CHI3L1: variants seen among roughly 807,000 people sequenced by gnomAD.
The protein encoded by CHI3L1 is chitinase 3 like 1, also known as chitinase-3-like protein 1.
A neutral mutation model predicts 40.7 loss-of-function variants in CHI3L1; 30 were observed. The observed-to-expected ratio is 0.74, with a 90% CI of 0.55 to 1.00. CHI3L1 has a LOEUF of 1.00. CHI3L1 is among the 50% of genes least tolerant of loss of function. CHI3L1 has a pLI of 0.00. For missense variants in CHI3L1, 493 were observed against 492.2 expected, an observed-to-expected ratio of 1.00 and a Z score of -0.01; for synonymous variants, 210 against 192.1, an observed-to-expected ratio of 1.09 and a Z score of -0.77.
chr1:203,179,509 A>T lies in CHI3L1; in HGVS notation c.1088T>A (p.Phe363Tyr). Residue 363 changes from phenylalanine (F) to tyrosine (Y), a missense_variant, in exon 10 of 10, where the codon TTC becomes TAC. Coordinates refer to ENST00000255409, the MANE Select transcript of CHI3L1 (RefSeq NM_001276.4). The stretch of plus-strand genomic sequence containing the variant: ...AGGGAAGCGCAGATCCTGGCCACAG[A>T]AGGAGCCCTGGAAGTCATCCAGGTC... ...ALDLDDFQGS[F>Y]CGQDLRFPLT... 6.3e-7 allele frequency: 1 copy of T among 1,581,944 alleles called. No individual in the cohort carries two copies.
chr1:203,179,314 C>T lies in CHI3L1; in HGVS notation c.*131G>A. 1.2e-6 allele frequency: 1 copy of T among 807,536 alleles called. No individual in the cohort carries two copies. Among genetic ancestry groups the T allele is most frequent in the Non-Finnish European group, 2.0e-6 (1 of 503,912 alleles). 50.0% of individuals were successfully genotyped at this position (807,536 alleles called of 1,614,324 possible). On this transcript the variant is annotated 3_prime_UTR_variant, in exon 10 of 10. Transcript: ENST00000255409. ...CAAATCTGTGTGTTGTGGACCTCTGCATAGGCCCCAAGGGAGGGAGACTGA... is the reference window on the plus strand; with the variant it reads ...CAAATCTGTGTGTTGTGGACCTCTGTATAGGCCCCAAGGGAGGGAGACTGA...
chr1:203,186,484 T>G, intron 1 of CHI3L1, 115 bp downstream of exon 1: 2 of 1,391,416 alleles, frequency 1.4e-6, no homozygotes, highest in Admixed American at 1.8e-5. Context: ...GCTCTGCTTC[T>G]CCTCCCCCTC....
At chr1:203,180,981 A>G (rs1446798193) in intron 7 of CHI3L1, among the ~76,000 whole-genome samples, 181 bp downstream of exon 7, 1 of 152,048 alleles carries the variant, frequency 6.6e-6, no homozygotes. Context: ...CCTGCAGATC[A>G]CCTTCCCAGA....
rs1177953959 is a variant in CHI3L1 at position 203,186,056 on chromosome 1, G to A, written c.55+260C>T. Among the ~76,000 whole-genome samples, 4 of 152,094 alleles carry A rather than the reference G, an allele frequency of 2.6e-5. No homozygotes were observed. The East Asian group carries it at 5.8e-4, about 22-fold the overall frequency. ...GGCAACTGTACTAGCGGCTCCCAGG[G>A]GCTGTTAGTCAAAGCCTTCACTGAA... On this transcript the variant is annotated intron_variant, in intron 2 of 9. Coordinates refer to ENST00000255409, the MANE Select transcript of CHI3L1 (RefSeq NM_001276.4).
In CHI3L1 at chr1:203,179,138, G is replaced by T. The variant is rs552222824; in HGVS notation, c.*307C>A. 4.5e-4 allele frequency: 108 copies of T among 239,334 alleles called. 1 individual carries two copies. The highest frequency in any genetic ancestry group is 2.3e-3 in the African/African-American group (104 of 44,730). 14.8% of individuals were successfully genotyped at this position (239,334 alleles called of 1,614,324 possible). ...GTCCTTTGATAAGGAGGGCTGGGGG[G>T]CAGGGAGTTGAAGAAATTCCCTTGC... On this transcript the variant is annotated 3_prime_UTR_variant, in exon 10 of 10. Transcript: ENST00000255409.
intron 3 of CHI3L1, 149 bp downstream of exon 3, chr1:203,185,035 T>C: frequency 1.5e-6 from 1 of 655,570 alleles, no homozygotes. Flanking sequence ...GCACCTACAG[T>C]CATCCCCTCC....
chr1:203,179,397 AG>A lies in CHI3L1; in HGVS notation c.*47del. 6.7e-7 allele frequency: 1 copy of A among 1,487,472 alleles called. No individual in the cohort carries two copies. Among genetic ancestry groups the A allele is most frequent in the Non-Finnish European group, 9.0e-7 (1 of 1,108,860 alleles). 92.1% of individuals were successfully genotyped at this position (1,487,472 alleles called of 1,614,324 possible). ...CAGGCTCCCGGCCAGCTGGAGCCAG[AG>A]GGGGACGGGGCATCCTTGGCCCCCG... On this transcript the variant is annotated 3_prime_UTR_variant, in exon 10 of 10. Coordinates refer to ENST00000255409, the MANE Select transcript of CHI3L1 (RefSeq NM_001276.4).
chr1:203,184,685 C>G lies in CHI3L1; in HGVS notation c.258-53G>C, dbSNP rs79829799. On this transcript the variant is annotated intron_variant, in intron 3 of 9. Transcript: ENST00000255409. ...CAGGAGTGGAATGACATTGTCATGA[C>G]ACTGGGTGGCCCCATGTCTGAGAGG... The G allele has an allele frequency of 7.0e-3, 10,530 of 1,509,670 alleles. 418 individuals carry two copies. In the East Asian group the frequency reaches 0.12, roughly 17 times the overall value. 93.5% of individuals were successfully genotyped at this position (1,509,670 alleles called of 1,614,324 possible).
chr1:203,180,555 G>A lies in CHI3L1; in HGVS notation c.809C>T (p.Ser270Phe). 1 of 1,610,550 alleles carries A rather than the reference G, an allele frequency of 6.2e-7. No homozygotes were observed. Among genetic ancestry groups the A allele is most frequent in the Non-Finnish European group, 8.5e-7 (1 of 1,178,738 alleles). The change falls in exon 8 of 10, where the codon TCT (serine) becomes TTT (phenylalanine). Residue 270 changes from serine to phenylalanine, a missense_variant. Transcript: ENST00000255409. ...GATTGGGGCTCCAACACCAGTCTCA[G>A]AAGAAGCCAGAGTGAAGCTCCTCCC... ...TFGRSFTLAS[S>F]ETGVGAPISG...
At chr1:203,180,129 C>T in intron 8 of CHI3L1, 1 of 574,806 alleles carries the variant, frequency 1.7e-6, no homozygotes, top group East Asian at 2.9e-5. Context: ...CTGGTTGACA[C>T]TGAGGACAGG....
At position 203,185,216 on chromosome 1, in the gene CHI3L1, C is replaced by G. The variant is rs1467451798; in HGVS notation, c.225G>C (p.Thr75=). 1 of 1,614,018 alleles carries G rather than the reference C, an allele frequency of 6.2e-7. No individual in the cohort carries two copies. Among genetic ancestry groups the G allele is most frequent in the African/African-American group, 1.3e-5 (1 of 74,920 alleles). The stretch of plus-strand genomic sequence containing the variant: ...TGAGTGTGTTGAGCATGCCGTAGAG[C>G]GTCACATCATTCCACTCCCAGGTGT... ...HIDTWEWNDV[T]LYGMLNTLKN... is the part of the protein sequence containing the mutation. Residue 75 remains threonine, a synonymous_variant, in exon 3 of 10, where the codon ACG becomes ACC. Transcript: ENST00000255409.
At chr1:203,180,923 C>T (rs1056357852) in intron 7 of CHI3L1, among the ~76,000 whole-genome samples, 2 of 152,190 alleles carry the variant, frequency 1.3e-5, no homozygotes, top group Non-Finnish European at 2.9e-5. Flanking sequence ...CCTACCTCCT[C>T]GGCTCCCAGC....
intron 3 of CHI3L1, 130 bp downstream of exon 3, chr1:203,185,054 A>T: frequency 2.7e-6 from 2 of 734,928 alleles, no homozygotes; most frequent in Non-Finnish European, 4.6e-6. Flanking sequence ...CCACCCATTT[A>T]AGCCAAGCCC....
chr1:203,186,024 GCTA>G (rs1233054736), intron 2 of CHI3L1, among the ~76,000 whole-genome samples: 1 of 152,204 alleles, frequency 6.6e-6, no homozygotes, highest in African/African-American at 2.4e-5. Flanking sequence ...CATCCAAGCA[GCTA>G]CTGGGCAACT....
intron 4 of CHI3L1, 91 bp from the exon 5 acceptor site, chr1:203,183,882 G>T: frequency 7.1e-6 from 10 of 1,417,212 alleles, no homozygotes; most frequent in South Asian, 1.2e-5. Flanking sequence ...TGCAGAGCTG[G>T]GATCCTGAGG....
intron 8 of CHI3L1, 141 bp from the exon 9 acceptor site, chr1:203,180,018 G>A (rs111410694): frequency 1.4e-6 from 1 of 734,412 alleles, no homozygotes; most frequent in Non-Finnish European, 2.2e-6. Context: ...CAGGCTGCAT[G>A]CATCACACAA....
chr1:203,181,319 A>G, intron 6 of CHI3L1, 34 bp from the exon 7 acceptor site: 1 of 1,609,018 alleles, frequency 6.2e-7, no homozygotes, highest in Non-Finnish European at 8.5e-7. Flanking sequence ...TGAGGCAGGA[A>G]ATTATTAATA....
At position 203,180,474 on chromosome 1, in the gene CHI3L1, T is replaced by C. The variant is rs376330429; in HGVS notation, c.890A>G (p.Tyr297Cys). ...FTKEAGTLAYYEICDFLRGAT... is the reference protein window; with the variant it reads ...FTKEAGTLAYCEICDFLRGAT... Reference sequence around the variant, plus strand: ...CCTTCTCCCCAACTCCATTACCTCATAGTAGGCAAGGGTCCCTGCCTCCTT... The same window carrying C: ...CCTTCTCCCCAACTCCATTACCTCACAGTAGGCAAGGGTCCCTGCCTCCTT... The change falls in exon 8 of 10, where the codon TAT becomes TGT. Residue 297 changes from tyrosine (Y) to cysteine (C), a missense_variant. By Grantham distance (194) the Tyr-to-Cys change is radical. Transcript: ENST00000255409. The C allele has an allele frequency of 3.2e-6, 5 of 1,579,982 alleles. No individual in the cohort carries two copies. The African/African-American group carries it at 5.5e-5, about 17-fold the overall frequency.
intron 2 of CHI3L1, 44 bp downstream of exon 2, chr1:203,186,272 G>T: frequency 1.9e-6 from 3 of 1,561,158 alleles, no homozygotes; most frequent in Non-Finnish European, 2.6e-6. Flanking sequence ...CTGTGCCCTC[G>T]CCACGCCTCT....
Sources: gnomAD v4.1 joint callset for allele counts (sites outside exome capture counted in the v4.1 genomes callset) on GRCh38, gnomAD v4.1.1 for gene constraint, MANE v1.5 for transcripts, NCBI Gene and HGNC (gene_info 2026-07-23, HGNC 2026-07-21) for gene names.